Variants in DLGAP2 observed in about 807,000 individuals in gnomAD.
DLGAP2 encodes disks large-associated protein 2.
In DLGAP2, 26 loss-of-function variants were observed where a neutral mutation model predicts 100.3. The observed-to-expected ratio is 0.26, with a 90% confidence interval of 0.19 to 0.36. The LOEUF (loss-of-function observed/expected upper bound fraction) is 0.36. DLGAP2 is among the 10% of genes least tolerant of loss of function. The pLI, the probability that DLGAP2 is intolerant of heterozygous loss-of-function variation, is 1.00. For missense variants in DLGAP2, 1,858 were observed against 1,453.2 expected (o/e 1.28, Z -4.53); for synonymous variants, 886 against 630.1 (o/e 1.41, Z -6.08).
At chr8:1,485,357 A>C (rs1423055862) in intron 3 of DLGAP2, among the ~76,000 whole-genome samples, 1 of 152,234 alleles carries the variant, frequency 6.6e-6, no homozygotes, top group Non-Finnish European at 1.5e-5. Flanking sequence ...CTATGATTCA[A>C]ATGCAGAAAA....
chr8:1,295,406 C>T (rs1220013210), intron 3 of DLGAP2, among the ~76,000 whole-genome samples: 2 of 152,188 alleles, frequency 1.3e-5, no homozygotes, highest in Non-Finnish European at 2.9e-5. Flanking sequence ...TGGAGTTCTC[C>T]CTGGGAAGCT....
intron 3 of DLGAP2, among the ~76,000 whole-genome samples, chr8:1,376,706 C>T (rs113940417): frequency 1.6e-5 from 2 of 123,058 alleles, no homozygotes; most frequent in South Asian, 3.2e-4. Flanking sequence ...ACAGGGCTAC[C>T]GAGACCCTCA....
intron 2 of DLGAP2, among the ~76,000 whole-genome samples, chr8:970,065 T>C (rs1799975933): frequency 6.6e-6 from 1 of 152,166 alleles, no homozygotes; most frequent in East Asian, 1.9e-4. Context: ...TTCTGACATA[T>C]ATCTTCATTT....
In DLGAP2 at chr8:1,637,522, G is replaced by A. The variant is rs141213269; in HGVS notation, c.1810+4476G>A. On this transcript the variant is annotated intron_variant, in intron 8 of 14. Coordinates refer to ENST00000637795, the MANE Select transcript of DLGAP2 (RefSeq NM_001346810.2). ...CCCCACAAAGGCAACAAAAAGCTGC[G>A]TTTCAGTAAACAAATGACCAGAGGA... is the stretch of plus-strand genomic sequence containing the variant. Among the ~76,000 whole-genome samples, 256 of 152,022 alleles carry A rather than the reference G, an allele frequency of 1.7e-3. 1 individual carries two copies. Among genetic ancestry groups the A allele is most frequent in the Middle Eastern group, 6.8e-3 (2 of 294 alleles).
intron 3 of DLGAP2, among the ~76,000 whole-genome samples, chr8:1,285,680 T>C (rs1049430632): frequency 2.0e-5 from 3 of 152,238 alleles, no homozygotes; most frequent in African/African-American, 7.2e-5. Context: ...TAAATACACC[T>C]TAAATACTTC....
chr8:1,482,885 G>A (rs1799133611), intron 3 of DLGAP2, among the ~76,000 whole-genome samples: 1 of 152,262 alleles, frequency 6.6e-6, no homozygotes, highest in Non-Finnish European at 1.5e-5. Context: ...AGAGAAAGAA[G>A]CAAAGACACG....
chr8:1,013,121 C>T (rs1398481656), intron 2 of DLGAP2, among the ~76,000 whole-genome samples: 1 of 152,162 alleles, frequency 6.6e-6, no homozygotes, highest in African/African-American at 2.4e-5. Context: ...ATGTCTTTTC[C>T]CTGTTCCAGT....
chr8:1,641,914 G>A (rs1306170144), intron 8 of DLGAP2, among the ~76,000 whole-genome samples: 2,544 of 120,786 alleles, frequency 0.021, 155 homozygotes, highest in African/African-American at 0.088. Context: ...CGACCCCGCC[G>A]GCCCTCACCT....
intron 2 of DLGAP2, among the ~76,000 whole-genome samples, chr8:1,177,247 T>C (rs761369337): frequency 6.6e-6 from 1 of 152,198 alleles, no homozygotes; most frequent in Non-Finnish European, 1.5e-5. Flanking sequence ...GATTGTGCTT[T>C]ATTTTAGATC....
rs757524940 is a variant in DLGAP2, at chr8:1,473,829, A to G, written c.107-27537A>G. On this transcript the variant is annotated intron_variant, in intron 3 of 14. Transcript: ENST00000637795. ...GGGTTTCCCATTTTGCTTGGCTTCC[A>G]TTGTCTCTTGTCTGCCACCATGTAA... Among the ~76,000 whole-genome samples, 135 of 152,168 alleles carry G rather than the reference A, an allele frequency of 8.9e-4. No individual in the cohort carries two copies. In the Middle Eastern group the frequency reaches 0.02, roughly 23 times the overall value.
intron 2 of DLGAP2, among the ~76,000 whole-genome samples, chr8:1,089,763 T>A (rs1033825539): frequency 6.6e-6 from 1 of 152,256 alleles, no homozygotes; most frequent in Non-Finnish European, 1.5e-5. Context: ...CTGGAGGACA[T>A]TAAAGGACAT....
At chr8:944,911 G>A (rs1356240314) in intron 2 of DLGAP2, among the ~76,000 whole-genome samples, 1 of 152,126 alleles carries the variant, frequency 6.6e-6, no homozygotes, top group African/African-American at 2.4e-5. Flanking sequence ...AGGTGATCTG[G>A]TGGGTGATAA....
At chr8:819,484 C>A (rs1170666412) in intron 1 of DLGAP2, among the ~76,000 whole-genome samples, 1 of 152,128 alleles carries the variant, frequency 6.6e-6, no homozygotes, top group Admixed American at 6.5e-5. Flanking sequence ...TCCATTTCTT[C>A]TGAAGTCTCT....
At position 1,164,479 on chromosome 8, in the gene DLGAP2, C is replaced by T. The variant is rs369569820; in HGVS notation, c.74-94372C>T. Among the ~76,000 whole-genome samples the T allele has an allele frequency of 3.4e-4, 51 of 151,538 alleles. 1 individual carries two copies. The South Asian group carries it at 7.6e-3, about 23-fold the overall frequency. On this transcript the variant is annotated intron_variant, in intron 2 of 14. Coordinates refer to ENST00000637795, the MANE Select transcript of DLGAP2 (RefSeq NM_001346810.2). The stretch of plus-strand genomic sequence containing the variant: ...TGGCCTGGCTCTCACTGGCTGACGT[C>T]CTGTTGGGGGAGTTAACCAGGTAAC...
intron 3 of DLGAP2, among the ~76,000 whole-genome samples, chr8:1,353,770 C>T (rs1801787743): frequency 6.6e-6 from 1 of 151,816 alleles, no homozygotes; most frequent in Admixed American, 6.6e-5. Flanking sequence ...ACCTTGTAAA[C>T]AAAATTAGAA....
chr8:1,108,498 A>G (rs1414307709), intron 2 of DLGAP2, among the ~76,000 whole-genome samples: 1 of 151,820 alleles, frequency 6.6e-6, no homozygotes, highest in Non-Finnish European at 1.5e-5. Context: ...CGTGCCTGTG[A>G]CGTGTGCTGG....
At chr8:1,492,926 G>A (rs1230575436) in intron 3 of DLGAP2, among the ~76,000 whole-genome samples, 8 of 152,172 alleles carry the variant, frequency 5.3e-5, no homozygotes, top group East Asian at 3.9e-4. Context: ...ATGTCAACCC[G>A]CCCTCCACCC....
chr8:908,688 A>G (rs1359638527), intron 2 of DLGAP2, among the ~76,000 whole-genome samples: 2 of 152,134 alleles, frequency 1.3e-5, no homozygotes, highest in Non-Finnish European at 2.9e-5. Context: ...AAGATTTCTG[A>G]TTTATTTTTA....
chr8:1,139,146 G>T (rs1445662297), intron 2 of DLGAP2, among the ~76,000 whole-genome samples: 1 of 152,196 alleles, frequency 6.6e-6, no homozygotes, highest in Non-Finnish European at 1.5e-5. Flanking sequence ...CGGCCTGGCT[G>T]GGGGGATGTG....
Sources: allele counts gnomAD v4.1 joint callset (sites outside exome capture counted in the v4.1 genomes callset), GRCh38; gene constraint gnomAD v4.1.1; transcripts MANE v1.5; gene names NCBI Gene and HGNC (gene_info 2026-07-23, HGNC 2026-07-21).